SMYD3: variants seen among roughly 807,000 people sequenced by gnomAD.
SMYD3 encodes SET and MYND domain containing 3, also known as histone-lysine N-methyltransferase SMYD3.
A neutral mutation model predicts 57.7 loss-of-function variants in SMYD3; 36 were observed. That is an observed-to-expected ratio of 0.62 (90% CI 0.48 to 0.82). The LOEUF (loss-of-function observed/expected upper bound fraction) is 0.82. Ranked by LOEUF, SMYD3 falls within the 40% of genes least tolerant of loss-of-function variation. The probability of loss-of-function intolerance (pLI) is 0.00; values close to 1 mark genes in which losing one functional copy is unlikely to be tolerated. For synonymous variants in SMYD3, 211 were observed against 195.0 expected (o/e 1.08, Z -0.68); for missense variants, 515 against 538.8 (o/e 0.96, Z 0.44).
intron 5 of SMYD3, chr1:246,035,296 G>A (rs2059753115): frequency 6.6e-6 from 1 of 152,242 alleles, no homozygotes; most frequent in African/African-American, 2.4e-5. Context: ...TTTCAGAATG[G>A]CGTTTATGAT....
intron 5 of SMYD3, among the ~76,000 whole-genome samples, chr1:246,118,045 AAAC>A (rs1353805084): frequency 6.6e-6 from 1 of 152,212 alleles, no homozygotes; most frequent in Non-Finnish European, 1.5e-5. Flanking sequence ...GGGACTACAC[AAAC>A]AATAGTGATT....
At chr1:245,916,685 A>T (rs1161801205) in intron 7 of SMYD3, among the ~76,000 whole-genome samples, 2 of 152,164 alleles carry the variant, frequency 1.3e-5, no homozygotes, top group African/African-American at 4.8e-5. Context: ...CTGAGCCATC[A>T]TTACCTCTCA....
chr1:246,242,751 G>A (rs1387657468), intron 5 of SMYD3, among the ~76,000 whole-genome samples: 4 of 151,828 alleles, frequency 2.6e-5, no homozygotes, highest in Non-Finnish European at 5.9e-5. Context: ...AGATATGGAG[G>A]AAGATCTACC....
intron 5 of SMYD3, among the ~76,000 whole-genome samples, chr1:246,118,872 C>T (rs1258567634): frequency 6.7e-6 from 1 of 148,864 alleles, no homozygotes; most frequent in Non-Finnish European, 1.5e-5. Context: ...ATGGCTGGAG[C>T]TCCAGCAGCC....
intron 1 of SMYD3, among the ~76,000 whole-genome samples, chr1:246,405,380 T>C (rs188296674): frequency 2.6e-5 from 4 of 152,330 alleles, no homozygotes. Flanking sequence ...CCTTTCTAGC[T>C]ACTGGAAAAT....
intron 1 of SMYD3, among the ~76,000 whole-genome samples, chr1:246,461,882 T>C (rs150713162): frequency 6.3e-4 from 96 of 152,324 alleles, no homozygotes; most frequent in African/African-American, 2.2e-3. Context: ...TCATTTATTC[T>C]AAATTAATTG....
chr1:246,330,574 C>G, intron 3 of SMYD3, 37 bp from the exon 4 acceptor site: 1 of 1,547,062 alleles, frequency 6.5e-7, no homozygotes, highest in African/African-American at 1.4e-5. Flanking sequence ...ATAACAATTT[C>G]AAGTGTTCCA....
Position 246,308,866 on chromosome 1 carries a change from C to A in SMYD3, c.531+18335G>T, listed in dbSNP as rs549438246. 6.6e-5 allele frequency among the ~76,000 whole-genome samples: 10 copies of A among 152,154 alleles called. No homozygotes were observed. In the South Asian group the frequency reaches 2.1e-3, roughly 32 times the overall value. ...TCAAAATGGGCACCTAAACTAGTAT[C>A]CATCTAAAAAATGTAAAATGACTCA... is the stretch of plus-strand genomic sequence containing the variant. On this transcript the variant is annotated intron_variant, in intron 5 of 11. Coordinates refer to ENST00000490107, the MANE Select transcript of SMYD3 (RefSeq NM_001167740.2).
intron 1 of SMYD3, among the ~76,000 whole-genome samples, chr1:246,424,391 AAGAG>A (rs147637791): frequency 0.058 from 8,792 of 152,170 alleles, 278 homozygotes; most frequent in Middle Eastern, 0.17. Context: ...AAGACAGAAA[AAGAG>A]AGGACAAAAA....
At chr1:245,775,193 G>A (rs2046524593) in intron 10 of SMYD3, among the ~76,000 whole-genome samples, 1 of 152,186 alleles carries the variant, frequency 6.6e-6, no homozygotes, top group Admixed American at 6.5e-5. Flanking sequence ...CCCCCACCCG[G>A]CCAGCCGCCC....
intron 5 of SMYD3, among the ~76,000 whole-genome samples, chr1:246,128,293 A>T (rs73141319): frequency 0.078 from 11,807 of 152,212 alleles, 902 homozygotes; most frequent in South Asian, 0.19. Context: ...TAGCATACAA[A>T]GTAATTTGCT....
intron 5 of SMYD3, among the ~76,000 whole-genome samples, chr1:246,181,024 T>C (rs2062543046): frequency 6.6e-6 from 1 of 152,090 alleles, no homozygotes; most frequent in Non-Finnish European, 1.5e-5. Context: ...GATAAAGTGA[T>C]CATTTAACTA....
chr1:245,785,871 T>C (rs987087285), intron 10 of SMYD3, among the ~76,000 whole-genome samples: 4 of 150,986 alleles, frequency 2.6e-5, no homozygotes, highest in East Asian at 3.9e-4. Flanking sequence ...GCTAATTTTA[T>C]TTTTTTTATT....
rs559814097 is a variant in SMYD3, at chr1:246,285,679, A to G, written c.531+41522T>C. Among the ~76,000 whole-genome samples, 4 of 152,334 alleles carry G rather than the reference A, an allele frequency of 2.6e-5. No homozygotes were observed. In the East Asian group the frequency reaches 7.7e-4, roughly 29 times the overall value. The stretch of plus-strand genomic sequence containing the variant: ...AAATTAAAGAGTTTTGGCATGGCAA[A>G]AGGAACAGTCAGCAGAGTAAACAGA... On this transcript the variant is annotated intron_variant, in intron 5 of 11. Transcript: ENST00000490107.
chr1:246,406,738 T>C (rs973353490), intron 1 of SMYD3, among the ~76,000 whole-genome samples: 1 of 152,198 alleles, frequency 6.6e-6, no homozygotes, highest in Non-Finnish European at 1.5e-5. Flanking sequence ...CAGGATCACA[T>C]AGCTAGTAAG....
intron 10 of SMYD3, among the ~76,000 whole-genome samples, chr1:245,854,593 T>TTTTC (rs750227590): frequency 6.6e-6 from 1 of 150,924 alleles, no homozygotes; most frequent in African/African-American, 2.4e-5. Context: ...AGTTATCCTT[T>TTTTC]TCTCTCTCTC....
At chr1:246,414,200 G>C (rs1270743375) in intron 1 of SMYD3, among the ~76,000 whole-genome samples, 1 of 152,186 alleles carries the variant, frequency 6.6e-6, no homozygotes, top group Non-Finnish European at 1.5e-5. Context: ...GCAGTCTTTA[G>C]AGAGAGACCA....
At chr1:245,871,104 C>T (rs527314009) in intron 8 of SMYD3, among the ~76,000 whole-genome samples, 2 of 152,060 alleles carry the variant, frequency 1.3e-5, no homozygotes, top group Non-Finnish European at 2.9e-5. Context: ...TCCAGTAATT[C>T]AATAATTCAT....
At chr1:246,121,821 C>T (rs76913323) in intron 5 of SMYD3, among the ~76,000 whole-genome samples, 12,287 of 152,114 alleles carry the variant, frequency 0.081, 1,004 homozygotes, top group African/African-American at 0.19. Flanking sequence ...TGACAGAAAC[C>T]GGGCATATCA....
Sources: gnomAD v4.1 joint callset for allele counts (sites outside exome capture counted in the v4.1 genomes callset) on GRCh38, gnomAD v4.1.1 for gene constraint, MANE v1.5 for transcripts, NCBI Gene and HGNC (gene_info 2026-07-23, HGNC 2026-07-21) for gene names.